Variants in CNTNAP2 observed in about 807,000 individuals in gnomAD.
The protein encoded by CNTNAP2 is contactin associated protein 2, also known as contactin-associated protein-like 2.
CNTNAP2 carries 98 observed loss-of-function variants against 155.2 expected under a neutral mutation model. That is an observed-to-expected ratio of 0.63 (90% confidence interval 0.54 to 0.75). The LOEUF (loss-of-function observed/expected upper bound fraction) is 0.75, where lower values mean the gene tolerates loss of function less well. CNTNAP2 is among the 30% of genes least tolerant of loss of function. CNTNAP2 has a pLI of 0.00. For synonymous variants in CNTNAP2, 651 were observed against 631.2 expected, an observed-to-expected ratio of 1.03 and a Z score of -0.47; for missense variants, 1,727 against 1,688.1, an observed-to-expected ratio of 1.02 and a Z score of -0.40.
chr7:146,246,150 G>A (rs1043020947), intron 1 of CNTNAP2, among the ~76,000 whole-genome samples: 1 of 151,734 alleles, frequency 6.6e-6, no homozygotes, highest in African/African-American at 2.4e-5. Flanking sequence ...GTGGGGTAAG[G>A]GTGATTAGGT....
intron 3 of CNTNAP2, among the ~76,000 whole-genome samples, chr7:146,937,364 A>AAAAAAAT (rs1554412069): frequency 4.1e-5 from 6 of 147,286 alleles, no homozygotes; most frequent in African/African-American, 9.9e-5. Context: ...AAAAAAAAAT[A>AAAAAAAT]AAAATAAAAT....
intron 1 of CNTNAP2, among the ~76,000 whole-genome samples, chr7:146,721,803 ATATATAGT>A (rs1404282905): frequency 5.0e-5 from 6 of 120,536 alleles, no homozygotes; most frequent in Non-Finnish European, 8.0e-5. Flanking sequence ...TATATAGACT[ATATATAGT>A]CTATATATGT....
intron 9 of CNTNAP2, among the ~76,000 whole-genome samples, chr7:147,307,911 G>A (rs1795060780): frequency 6.6e-6 from 1 of 152,150 alleles, no homozygotes; most frequent in African/African-American, 2.4e-5. Context: ...TCATGTTGAG[G>A]TAGTGAACAA....
chr7:146,285,465 C>T (rs544224836), intron 1 of CNTNAP2, among the ~76,000 whole-genome samples: 119 of 151,984 alleles, frequency 7.8e-4, no homozygotes, highest in Middle Eastern at 6.8e-3. Flanking sequence ...AATTTGTATA[C>T]CACCGAGAAA....
chr7:148,310,511 C>T (rs891826339), intron 21 of CNTNAP2, among the ~76,000 whole-genome samples: 70 of 151,990 alleles, frequency 4.6e-4, no homozygotes, highest in Non-Finnish European at 2.4e-4. Flanking sequence ...GTACCGAGAG[C>T]AATAGTAGAG....
At chr7:146,644,078 T>C (rs1799764531) in intron 1 of CNTNAP2, among the ~76,000 whole-genome samples, 7 of 152,182 alleles carry the variant, frequency 4.6e-5, no homozygotes, top group Admixed American at 4.6e-4. Flanking sequence ...CAATGGGGTT[T>C]TCTAGATATA....
At chr7:147,549,898 T>C (rs1799817819) in intron 11 of CNTNAP2, among the ~76,000 whole-genome samples, 1 of 152,232 alleles carries the variant, frequency 6.6e-6, no homozygotes, top group African/African-American at 2.4e-5. Flanking sequence ...AATTATTTGG[T>C]TGCACATGCT....
intron 11 of CNTNAP2, among the ~76,000 whole-genome samples, chr7:147,542,244 C>T (rs1053649081): frequency 1.3e-5 from 2 of 151,158 alleles, no homozygotes; most frequent in African/African-American, 4.9e-5. Flanking sequence ...TATCCTTTTC[C>T]TTTCTTCTTT....
intron 2 of CNTNAP2, among the ~76,000 whole-genome samples, chr7:146,820,424 A>G (rs2129195957): frequency 6.6e-6 from 1 of 152,334 alleles, no homozygotes; most frequent in Admixed American, 6.5e-5. Flanking sequence ...GACAAAACAT[A>G]CAGACTTTTA....
Position 148,278,396 on chromosome 7 carries a change from C to T in CNTNAP2, c.3475+11270C>T, listed in dbSNP as rs566167872. Among the ~76,000 whole-genome samples, 288 of 151,900 alleles carry T rather than the reference C, an allele frequency of 1.9e-3. 3 individuals are homozygous for T. Among genetic ancestry groups the T allele is most frequent in the African/African-American group, 6.4e-3 (267 of 41,410 alleles). On this transcript the variant is annotated intron_variant, in intron 21 of 23. Coordinates refer to ENST00000361727, the MANE Select transcript of CNTNAP2 (RefSeq NM_014141.6). Reference sequence around the variant, plus strand: ...CCTGGCTAACATGGCGAAACCCTGTCGCTACTAAAAAATACAAAAAAAAAT... The same window carrying T: ...CCTGGCTAACATGGCGAAACCCTGTTGCTACTAAAAAATACAAAAAAAAAT...
chr7:147,034,993 A>AC lies in CNTNAP2; in HGVS notation c.403-8914_403-8913insC, dbSNP rs1554428015. On this transcript the variant is annotated intron_variant, in intron 3 of 23. Coordinates refer to ENST00000361727, the MANE Select transcript of CNTNAP2 (RefSeq NM_014141.6). ...ACAGGCCCCAGGGTGGAGCCCCACC[A>AC]GGACCCTGCCCTTCTCTATCCAGCA... 2.0e-5 allele frequency among the ~76,000 whole-genome samples: 3 copies of AC among 152,304 alleles called. No homozygotes were observed. In the East Asian group the frequency reaches 5.8e-4, roughly 30 times the overall value.
chr7:147,303,764 C>A (rs1229469574), intron 9 of CNTNAP2, among the ~76,000 whole-genome samples: 15 of 152,052 alleles, frequency 9.9e-5, no homozygotes, highest in Admixed American at 9.8e-4. Flanking sequence ...GGGATCTGAC[C>A]CTAGGAAATG....
At chr7:147,575,980 AT>A (rs1800390077) in intron 12 of CNTNAP2, among the ~76,000 whole-genome samples, 2 of 152,232 alleles carry the variant, frequency 1.3e-5, no homozygotes, top group African/African-American at 2.4e-5. Context: ...CACAAAGAAT[AT>A]AGATTTGGAT....
chr7:146,997,036 A>G (rs1047723486), intron 3 of CNTNAP2, among the ~76,000 whole-genome samples: 51 of 152,120 alleles, frequency 3.4e-4, no homozygotes, highest in African/African-American at 1.2e-3. Flanking sequence ...AGGCCTCCCC[A>G]GCCACATGGA....
chr7:147,964,834 T>C (rs1354131933), intron 14 of CNTNAP2, among the ~76,000 whole-genome samples: 1 of 152,202 alleles, frequency 6.6e-6, no homozygotes, highest in Non-Finnish European at 1.5e-5. Context: ...CCTTGTTTAT[T>C]AAAATCTAAT....
intron 10 of CNTNAP2, among the ~76,000 whole-genome samples, chr7:147,406,519 G>C (rs955531351): frequency 1.3e-5 from 2 of 152,074 alleles, no homozygotes; most frequent in Non-Finnish European, 2.9e-5. Context: ...TATCTATACT[G>C]CCCAAAAACT....
chr7:148,410,246 A>C (rs6972396), intron 23 of CNTNAP2, among the ~76,000 whole-genome samples: 86,682 of 151,052 alleles, frequency 0.57, 25,579 homozygotes, highest in African/African-American at 0.66. Context: ...TTTCGCATCC[A>C]AAATGGTCCA....
chr7:148,081,975 A>C (rs1803617041), intron 15 of CNTNAP2, among the ~76,000 whole-genome samples: 1 of 151,924 alleles, frequency 6.6e-6, no homozygotes, highest in Non-Finnish European at 1.5e-5. Flanking sequence ...TGTTTTTTTT[A>C]ATTTTTTAAA....
intron 1 of CNTNAP2, among the ~76,000 whole-genome samples, chr7:146,579,527 C>A (rs933497431): frequency 2.0e-5 from 3 of 152,058 alleles, no homozygotes; most frequent in African/African-American, 7.2e-5. Context: ...CCAGAAAGCT[C>A]CGTAAATTGA....
Sources: gnomAD v4.1 joint callset for allele counts (sites outside exome capture counted in the v4.1 genomes callset) on GRCh38, gnomAD v4.1.1 for gene constraint, MANE v1.5 for transcripts, NCBI Gene and HGNC (gene_info 2026-07-23, HGNC 2026-07-21) for gene names.